SLC2A4RG: variants seen among roughly 807,000 people sequenced by gnomAD.
SLC2A4RG encodes GLUT4 enhancer factor.
SLC2A4RG carries 23 observed loss-of-function variants against 35.5 expected under a neutral mutation model. The ratio of observed to expected loss-of-function variants is 0.65; its 90% CI spans 0.47 to 0.92. The LOEUF (loss-of-function observed/expected upper bound fraction) is 0.92. Ranked by LOEUF, SLC2A4RG falls within the 40% of genes least tolerant of loss-of-function variation. The probability of loss-of-function intolerance (pLI) is 0.00; values close to 1 mark genes in which losing one functional copy is unlikely to be tolerated. For missense variants in SLC2A4RG, 539 were observed against 525.0 expected (o/e 1.03, Z -0.26); for synonymous variants, 306 against 243.7 (o/e 1.26, Z -2.38).
At position 63,739,957 on chromosome 20, in the gene SLC2A4RG, G is replaced by A. The variant is rs1029905579; in HGVS notation, c.45G>A (p.Ala15=). ...GCGCCGCCGGCCGGGACCCCAGTGC[G>A]CTGCGGGCCGAGGCGCCGTGGCTGC... is the stretch of plus-strand genomic sequence containing the variant. ...PPRAAGRDPS[A]LRAEAPWLRA... Residue 15 remains alanine, a synonymous_variant, in exon 1 of 8, where the codon GCG becomes GCA. Coordinates refer to ENST00000266077, the MANE Select transcript of SLC2A4RG (RefSeq NM_020062.4). The A allele has an allele frequency of 3.5e-5, 34 of 979,810 alleles. No homozygotes were observed. Among genetic ancestry groups the A allele is most frequent in the South Asian group, 4.6e-5 (1 of 21,774 alleles). 60.7% of individuals were successfully genotyped at this position (979,810 alleles called of 1,614,324 possible). A position where few individuals can be genotyped will look rare whatever the true frequency, so the allele number is the denominator to read the frequency against.
chr20:63,741,113 C>T (rs879646247), intron 2 of SLC2A4RG: 7 of 530,512 alleles, frequency 1.3e-5, no homozygotes, highest in Non-Finnish European at 2.0e-5. Context: ...GCCCCAGTAT[C>T]TGAAGGAACC....
At position 63,743,040 on chromosome 20, in the gene SLC2A4RG, C is replaced by G; in HGVS notation, c.*50C>G. 2 of 1,466,094 alleles carry G rather than the reference C, an allele frequency of 1.4e-6. No individual in the cohort carries two copies. Among genetic ancestry groups the G allele is most frequent in the Non-Finnish European group, 9.2e-7 (1 of 1,086,742 alleles). The allele number at this position is 1,466,094 out of a possible 1,614,324, so 90.8% of individuals were successfully genotyped here. Reference sequence around the variant, plus strand: ...CTACCACCTTCTCCCTCCCCACCCCCTCCAGGCCCGGGGCTGAAACAGCCC... The same window carrying G: ...CTACCACCTTCTCCCTCCCCACCCCGTCCAGGCCCGGGGCTGAAACAGCCC... On this transcript the variant is annotated 3_prime_UTR_variant, in exon 8 of 8. Transcript: ENST00000266077.
intron 1 of SLC2A4RG, 123 bp from the exon 2 acceptor site, chr20:63,740,254 C>T (rs2092034920): frequency 1.6e-6 from 1 of 644,576 alleles, no homozygotes; most frequent in Non-Finnish European, 2.1e-6. Flanking sequence ...GGCGGGGCCG[C>T]GCCGTCCACA....
At chr20:63,741,522 G>A in intron 3 of SLC2A4RG, 43 bp downstream of exon 3, 1 of 1,561,348 alleles carries the variant, frequency 6.4e-7, no homozygotes, top group South Asian at 1.1e-5. Flanking sequence ...GGTGGGGACA[G>A]GGCTCAGAAC....
chr20:63,741,108 A>G (rs1056963841), intron 2 of SLC2A4RG: 8 of 516,152 alleles, frequency 1.5e-5, no homozygotes, highest in Non-Finnish European at 2.4e-5. Context: ...GCCCAGCCCC[A>G]GTATCTGAAG....
chr20:63,743,256 C>T lies in SLC2A4RG; in HGVS notation c.*266C>T. Reference sequence around the variant, plus strand: ...ACCGCTGTCCCCTTAGCCCCAAGGGCCCTGGGGGCAGCCACCCTCCCGCCT... The same window carrying T: ...ACCGCTGTCCCCTTAGCCCCAAGGGTCCTGGGGGCAGCCACCCTCCCGCCT... On this transcript the variant is annotated 3_prime_UTR_variant, in exon 8 of 8. Coordinates refer to ENST00000266077, the MANE Select transcript of SLC2A4RG (RefSeq NM_020062.4). The T allele has an allele frequency of 3.0e-6, 1 of 337,462 alleles. No homozygotes were observed. The highest frequency in any genetic ancestry group is 5.5e-6 in the Non-Finnish European group (1 of 182,724). 20.9% of individuals were successfully genotyped at this position (337,462 alleles called of 1,614,324 possible). A position where few individuals can be genotyped will look rare whatever the true frequency, so the allele number is the denominator to read the frequency against.
rs141335773 is a variant in SLC2A4RG, at chr20:63,742,443, T to G, written c.788T>G (p.Val263Gly). The change falls in exon 6 of 8, where the codon GTG (valine) becomes GGG (glycine). Residue 263 changes from valine (V) to glycine (G), a missense_variant. Transcript: ENST00000266077. ...GACGGGCTGTCCAGCCTGACTCCAG[T>G]GTCCCCCACGGCCTCCATGCCGCCT... ...LTDGLSSLTP[V>G]SPTASMPPAF... 1.2e-3 allele frequency: 1,990 copies of G among 1,604,296 alleles called. 4 individuals are homozygous for G. Among genetic ancestry groups the G allele is most frequent in the Non-Finnish European group, 1.5e-3 (1,782 of 1,176,272 alleles).
rs746457946 is a variant in SLC2A4RG, at chr20:63,742,955, C to T, written c.1129C>T (p.Arg377Cys). The T allele has an allele frequency of 6.8e-6, 11 of 1,612,118 alleles. No homozygotes were observed. The highest frequency in any genetic ancestry group is 2.2e-5 in the East Asian group (1 of 44,856). ...CCGGGACCTCTGGTGCACAGCCTGC[C>T]GCTGGAAGAAAGCCTGCCAGCGGTT... is the stretch of plus-strand genomic sequence containing the variant. Reference protein sequence around the residue: ...ERRDLWCTACRWKKACQRFLD With the variant: ...ERRDLWCTACCWKKACQRFLD Residue 377 changes from arginine (R) to cysteine (C), a missense_variant, in exon 8 of 8, where the codon CGC becomes TGC. Transcript: ENST00000266077.
chr20:63,741,585 C>T (rs1301082432), intron 3 of SLC2A4RG, 106 bp downstream of exon 3: 4 of 1,214,768 alleles, frequency 3.3e-6, no homozygotes, highest in Admixed American at 2.5e-5. Context: ...CCTGGGACTC[C>T]TTTCTAAAAT....
intron 2 of SLC2A4RG, 25 bp from the exon 3 acceptor site, chr20:63,741,345 C>T (rs376298398): frequency 3.6e-4 from 580 of 1,605,502 alleles, no homozygotes; most frequent in Non-Finnish European, 4.7e-4. Context: ...CTGGGTCACC[C>T]GCACCCCGCC....
At chr20:63,740,223 C>T in intron 1 of SLC2A4RG, 154 bp from the exon 2 acceptor site, 1 of 444,218 alleles carries the variant, frequency 2.3e-6, no homozygotes, top group Non-Finnish European at 3.1e-6. Flanking sequence ...CCCGCCGCGC[C>T]GGGCTGGGGG....
Position 63,741,981 on chromosome 20 carries a change from G to A in SLC2A4RG, c.504G>A (p.Pro168=), listed in dbSNP as rs201537985. The A allele has an allele frequency of 3.7e-5, 59 of 1,612,986 alleles. No individual in the cohort carries two copies. The highest frequency in any genetic ancestry group is 3.1e-4 in the East Asian group (14 of 44,888). ...GWDLASDQSS[P]STPSPPLPPE... ...ACCTGGCCAGTGACCAGTCCTCTCCGTCCACCCCGTCACCCCCACTGCCCC... is the reference window on the plus strand; with the variant it reads ...ACCTGGCCAGTGACCAGTCCTCTCCATCCACCCCGTCACCCCCACTGCCCC... The change falls in exon 4 of 8, where the codon CCG becomes CCA. Residue 168 remains proline (P), a synonymous_variant. Transcript: ENST00000266077.
intron 3 of SLC2A4RG, 54 bp downstream of exon 3, chr20:63,741,533 C>T (rs1366151531): frequency 1.3e-6 from 2 of 1,490,372 alleles, no homozygotes; most frequent in Non-Finnish European, 9.2e-7. Flanking sequence ...GGCTCAGAAC[C>T]TACAGCCACC....
rs960357815 is a variant in SLC2A4RG at position 63,740,418 on chromosome 20, G to A, written c.168G>A (p.Ala56=). ...GCGGCTTCGCGGGCTTGGAGTTCGC[G>A]CGGCCGCAGGAGTCGGAGCCGCGGG... ...VGGGFAGLEF[A]RPQESEPRAS... is the part of the protein sequence containing the mutation. The change falls in exon 2 of 8, where the codon GCG becomes GCA. Residue 56 remains alanine, a synonymous_variant. Transcript: ENST00000266077. The A allele has an allele frequency of 1.6e-6, 2 of 1,229,632 alleles. No homozygotes were observed. Among genetic ancestry groups the A allele is most frequent in the Non-Finnish European group, 2.0e-6 (2 of 985,752 alleles). 76.2% of individuals were successfully genotyped at this position (1,229,632 alleles called of 1,614,324 possible). A position where few individuals can be genotyped will look rare whatever the true frequency, so the allele number is the denominator to read the frequency against.
In SLC2A4RG at chr20:63,742,422, G is replaced by C. The variant is rs768020564; in HGVS notation, c.767G>C (p.Gly256Ala). The change falls in exon 6 of 8, where the codon GGG becomes GCG. Residue 256 changes from glycine to alanine, a missense_variant. Transcript: ENST00000266077. ...LDVGVDTLTD[G>A]LSSLTPVSPT... ...GTTGGTGTGGACACGCTGACCGACG[G>C]GCTGTCCAGCCTGACTCCAGTGTCC... is the stretch of plus-strand genomic sequence containing the variant. 1.2e-6 allele frequency: 2 copies of C among 1,609,174 alleles called. No homozygotes were observed. Among genetic ancestry groups the C allele is most frequent in the Non-Finnish European group, 1.7e-6 (2 of 1,178,600 alleles).
Position 63,742,366 on chromosome 20 carries a change from TGAG to T in SLC2A4RG, c.717_719del (p.Glu239del). 1 of 1,610,208 alleles carries T rather than the reference TGAG, an allele frequency of 6.2e-7. No homozygotes were observed. Among genetic ancestry groups the T allele is most frequent in the Non-Finnish European group, 8.5e-7 (1 of 1,178,346 alleles). On this transcript the variant is annotated inframe_deletion, in exon 6 of 8. Coordinates refer to ENST00000266077, the MANE Select transcript of SLC2A4RG (RefSeq NM_020062.4). ...AGGCAGAGCCTGAGCAGAGTGATGG[TGAG>T]GAGGACTTCTACTACACAGAGCTGG...
In SLC2A4RG at chr20:63,739,879, C is replaced by G; in HGVS notation, c.-34C>G. On this transcript the variant is annotated 5_prime_UTR_variant, in exon 1 of 8. Coordinates refer to ENST00000266077, the MANE Select transcript of SLC2A4RG (RefSeq NM_020062.4). ...GGGCCGCGTCCTGAGAGTCAGCCCTCGCCGCTGCAGCCTCGGCGCCCGGCC... is the reference window on the plus strand; with the variant it reads ...GGGCCGCGTCCTGAGAGTCAGCCCTGGCCGCTGCAGCCTCGGCGCCCGGCC... 18 of 978,392 alleles carry G rather than the reference C, an allele frequency of 1.8e-5. No homozygotes were observed. The highest frequency in any genetic ancestry group is 2.1e-5 in the Non-Finnish European group (17 of 827,592). The allele number at this position is 978,392 out of a possible 1,614,324, so 60.6% of individuals were successfully genotyped here.
rs1212097773 is a variant in SLC2A4RG at position 63,743,096 on chromosome 20, G to A, written c.*106G>A. 1 of 369,782 alleles carries A rather than the reference G, an allele frequency of 2.7e-6. No individual in the cohort carries two copies. The highest frequency in any genetic ancestry group is 4.3e-6 in the Non-Finnish European group (1 of 230,388). The allele number at this position is 369,782 out of a possible 1,614,324, so 22.9% of individuals were successfully genotyped here. ...CAGCCCCAGGGGCTGGCTTTCACCA[G>A]CTGCAGGGTCTGCTTTTACTTGGGG... On this transcript the variant is annotated 3_prime_UTR_variant, in exon 8 of 8. Coordinates refer to ENST00000266077, the MANE Select transcript of SLC2A4RG (RefSeq NM_020062.4).
rs576440589 is a variant in SLC2A4RG at position 63,741,619 on chromosome 20, C to T, written c.391+140C>T. The stretch of plus-strand genomic sequence containing the variant: ...ATGGACTCCCGCACCCTCAGTGCCC[C>T]CTACTGAGGCCAAAGCGGCAGGACC... On this transcript the variant is annotated intron_variant, in intron 3 of 7. Transcript: ENST00000266077. 5.6e-4 allele frequency: 602 copies of T among 1,083,428 alleles called. 1 individual carries two copies. Among genetic ancestry groups the T allele is most frequent in the Middle Eastern group, 2.8e-3 (10 of 3,620 alleles). The allele number at this position is 1,083,428 out of a possible 1,614,324, so 67.1% of individuals were successfully genotyped here. A position where few individuals can be genotyped will look rare whatever the true frequency, so the allele number is the denominator to read the frequency against.
Sources: allele counts gnomAD v4.1 joint callset, GRCh38; gene constraint gnomAD v4.1.1; transcripts MANE v1.5; gene names NCBI Gene and HGNC (gene_info 2026-07-23, HGNC 2026-07-21).